SHKBP1: variants seen among roughly 807,000 people sequenced by gnomAD.
SHKBP1 encodes SH3KBP1-binding protein 1.
In SHKBP1, 71 loss-of-function variants were observed where a neutral mutation model predicts 83.9. That is an observed-to-expected ratio of 0.85 (90% CI 0.70 to 1.03). The LOEUF is 1.03. Among genes scored for constraint, SHKBP1 ranks in the 50% least tolerant of loss-of-function variants. SHKBP1 has a pLI of 0.00. For synonymous variants in SHKBP1, 371 were observed against 398.0 expected (o/e 0.93, Z 0.81); for missense variants, 824 against 982.4 (o/e 0.84, Z 2.16).
At chr19:40,585,439 A>G (rs1452415526) in intron 12 of SHKBP1, 1 of 151,744 alleles carries the variant, frequency 6.6e-6, no homozygotes, top group Non-Finnish European at 1.5e-5. Flanking sequence ...TTTTTTTTTA[A>G]AGCAGAAATA....
rs764866882 is a variant in SHKBP1 at position 40,586,944 on chromosome 19, G to A, written c.1336G>A (p.Val446Ile). 2 of 1,595,850 alleles carry A rather than the reference G, an allele frequency of 1.3e-6. No individual in the cohort carries two copies. The highest frequency in any genetic ancestry group is 2.2e-5 in the South Asian group (2 of 90,146). The change falls in exon 13 of 18, where the codon GTC becomes ATC. Residue 446 changes from valine to isoleucine, a missense_variant and splice_region_variant. Val to Ile is a conservative substitution (Grantham distance 29). This residue lies in a region of SHKBP1 where 182 missense variants were observed against 273.1 expected (regional missense o/e 0.67). Transcript: ENST00000291842. ...GCTGTCGGAGAAGCACCTCATCTCA[G>A]GTGAGCCTCTGTGGGGTGCTCCAGT... is the stretch of plus-strand genomic sequence containing the variant. ...IMLSEKHLIS[V>I]CADNNHVRTW...
In SHKBP1 at chr19:40,580,560, C is replaced by G; in HGVS notation, c.563-6C>G. The G allele has an allele frequency of 6.2e-7, 1 of 1,614,190 alleles. No homozygotes were observed. The highest frequency in any genetic ancestry group is 8.5e-7 in the Non-Finnish European group (1 of 1,180,028). ...CCCTCTTCTGATCCCTACTCTTCCCCTCAAGGACAACCTGAGGAGCCGGGG... is the reference window on the plus strand; with the variant it reads ...CCCTCTTCTGATCCCTACTCTTCCCGTCAAGGACAACCTGAGGAGCCGGGG... On this transcript the variant is annotated splice_polypyrimidine_tract_variant and splice_region_variant and intron_variant, in intron 7 of 17. Coordinates refer to ENST00000291842, the MANE Select transcript of SHKBP1 (RefSeq NM_138392.4).
At chr19:40,586,605 G>C (rs2081314054) in intron 12 of SHKBP1, 169 bp from the exon 13 acceptor site, 3 of 555,978 alleles carry the variant, frequency 5.4e-6, no homozygotes, top group Non-Finnish European at 2.8e-6. Flanking sequence ...GACCTCAAGC[G>C]ATCCACCCGC....
Position 40,591,274 on chromosome 19 carries a change from C to T in SHKBP1, c.*67C>T. The T allele has an allele frequency of 7.2e-7, 1 of 1,397,564 alleles. No homozygotes were observed. The highest frequency in any genetic ancestry group is 9.6e-7 in the Non-Finnish European group (1 of 1,036,944). 86.6% of individuals were successfully genotyped at this position (1,397,564 alleles called of 1,614,324 possible). A position where few individuals can be genotyped will look rare whatever the true frequency, so the allele number is the denominator to read the frequency against. On this transcript the variant is annotated 3_prime_UTR_variant, in exon 18 of 18. Coordinates refer to ENST00000291842, the MANE Select transcript of SHKBP1 (RefSeq NM_138392.4). ...GGGGACTCAGGTGCCTCCCTGATTC[C>T]TGTGGGAACCCCGGGTTCAGGGCCA...
chr19:40,591,334 G>C lies in SHKBP1; in HGVS notation c.*127G>C. The C allele has an allele frequency of 1.3e-6, 1 of 764,784 alleles. No homozygotes were observed. The highest frequency in any genetic ancestry group is 1.8e-5 in the African/African-American group (1 of 56,050). The allele number at this position is 764,784 out of a possible 1,614,324, so 47.4% of individuals were successfully genotyped here. A position where few individuals can be genotyped will look rare whatever the true frequency, so the allele number is the denominator to read the frequency against. The stretch of plus-strand genomic sequence containing the variant: ...TGGAATAAATGGTTATTGTTACTAG[G>C]TCCCCACCTTCCCTCTTTTCTGGAA... On this transcript the variant is annotated 3_prime_UTR_variant, in exon 18 of 18. Transcript: ENST00000291842.
chr19:40,590,886 T>G lies in SHKBP1; in HGVS notation c.1892+33T>G. 6.4e-7 allele frequency: 1 copy of G among 1,570,646 alleles called. No individual in the cohort carries two copies. Among genetic ancestry groups the G allele is most frequent in the South Asian group, 1.2e-5 (1 of 86,588 alleles). ...CAACTCCACTGCCCCTTCTGTGCAA[T>G]GAGGGGAGAGGGGACAGCATGGTGT... On this transcript the variant is annotated intron_variant, in intron 17 of 17. Coordinates refer to ENST00000291842, the MANE Select transcript of SHKBP1 (RefSeq NM_138392.4). This position sits in a 1 kb window ranked among gnomAD's most constrained non-coding sequence, Gnocchi z 4.6.
intron 1 of SHKBP1, 66 bp downstream of exon 1, chr19:40,577,051 C>A: frequency 7.5e-7 from 1 of 1,328,430 alleles, no homozygotes; most frequent in Non-Finnish European, 1.0e-6. Flanking sequence ...GTATCCGCCT[C>A]TCCTGGGGGA....
In SHKBP1 at chr19:40,586,940, C is replaced by T. The variant is rs1322900115; in HGVS notation, c.1332C>T (p.Ile444=). Residue 444 remains isoleucine (I), a synonymous_variant, in exon 13 of 18, where the codon ATC becomes ATT. Transcript: ENST00000291842. ...TKIMLSEKHL[I]SVCADNNHVR... is the part of the protein sequence containing the mutation. ...TCATGCTGTCGGAGAAGCACCTCAT[C>T]TCAGGTGAGCCTCTGTGGGGTGCTC... The T allele has an allele frequency of 4.4e-6, 7 of 1,597,714 alleles. No homozygotes were observed. The highest frequency in any genetic ancestry group is 6.0e-6 in the Non-Finnish European group (7 of 1,167,970).
chr19:40,577,472 G>C (rs549665204), intron 3 of SHKBP1, 31 bp downstream of exon 3: 21 of 1,613,514 alleles, frequency 1.3e-5, no homozygotes, highest in East Asian at 6.7e-5. Context: ...AATGGGATGG[G>C]GGGGAGGGGT....
intron 2 of SHKBP1, 42 bp from the exon 3 acceptor site, chr19:40,577,354 T>A (rs745633047): frequency 1.2e-6 from 2 of 1,613,294 alleles, no homozygotes; most frequent in Admixed American, 3.3e-5. Flanking sequence ...TAATATCCAC[T>A]CCCCCGGCCC....
intron 1 of SHKBP1, 51 bp downstream of exon 1, chr19:40,577,036 T>C: frequency 8.1e-7 from 1 of 1,234,040 alleles, no homozygotes; most frequent in East Asian, 3.1e-5. Context: ...GGAAGCGGGG[T>C]GGGAGTATCC....
chr19:40,586,396 A>G (rs2081312353), intron 12 of SHKBP1, among the ~76,000 whole-genome samples: 1 of 139,660 alleles, frequency 7.2e-6, no homozygotes, highest in African/African-American at 2.7e-5. Context: ...AGACAGAGTC[A>G]CATTCTGTCA....
At position 40,577,546 on chromosome 19, in the gene SHKBP1, C is replaced by G. The variant is rs367967700; in HGVS notation, c.187-11C>G. On this transcript the variant is annotated splice_polypyrimidine_tract_variant and intron_variant, in intron 3 of 17. Coordinates refer to ENST00000291842, the MANE Select transcript of SHKBP1 (RefSeq NM_138392.4). ...TTTACCCCATCCATCCTCTGCCCCC[C>G]TTTCCCGCAGATCTTCATCGACAGG... The G allele has an allele frequency of 1.0e-4, 165 of 1,614,106 alleles. No individual in the cohort carries two copies. Among genetic ancestry groups the G allele is most frequent in the Middle Eastern group, 3.3e-4 (2 of 6,062 alleles).
At chr19:40,579,391 A>G (rs1388062434) in intron 6 of SHKBP1, among the ~76,000 whole-genome samples, 1 of 152,226 alleles carries the variant, frequency 6.6e-6, no homozygotes, top group Non-Finnish European at 1.5e-5. Flanking sequence ...GGCCTGTAGC[A>G]GTGGCTCACA....
In SHKBP1 at chr19:40,586,597, C is replaced by G. The variant is rs531105130; in HGVS notation, c.1166-177C>G. On this transcript the variant is annotated intron_variant, in intron 12 of 17. Transcript: ENST00000291842. Reference sequence around the variant, plus strand: ...GGCCAGGCTGGTCTTGAACGCCTGACCTCAAGCGATCCACCCGCCTCAGCT... The same window carrying G: ...GGCCAGGCTGGTCTTGAACGCCTGAGCTCAAGCGATCCACCCGCCTCAGCT... 7 of 507,120 alleles carry G rather than the reference C, an allele frequency of 1.4e-5. No individual in the cohort carries two copies. The South Asian group carries it at 3.7e-4, about 27-fold the overall frequency. The allele number at this position is 507,120 out of a possible 1,614,324, so 31.4% of individuals were successfully genotyped here.
chr19:40,587,208 G>A (rs1476711498), intron 13 of SHKBP1, among the ~76,000 whole-genome samples: 1 of 152,144 alleles, frequency 6.6e-6, no homozygotes. Context: ...CCAGGCATAG[G>A]GGATACAGTG....
At chr19:40,582,705 G>C (rs2081279800) in intron 10 of SHKBP1, among the ~76,000 whole-genome samples, 2 of 152,210 alleles carry the variant, frequency 1.3e-5, no homozygotes, top group South Asian at 4.1e-4. Context: ...AAAGGAGTAG[G>C]GAGGATTGTC....
In SHKBP1 at chr19:40,580,657, G is replaced by C; in HGVS notation, c.653+1G>C. 1 of 1,614,166 alleles carries C rather than the reference G, an allele frequency of 6.2e-7. No homozygotes were observed. The highest frequency in any genetic ancestry group is 1.1e-5 in the South Asian group (1 of 91,084). ...ATACCCAGTTTCTAGTCTGCTACAGGTGCTTGGGGAGGGAGTGGCAGGAGG... is the reference window on the plus strand; with the variant it reads ...ATACCCAGTTTCTAGTCTGCTACAGCTGCTTGGGGAGGGAGTGGCAGGAGG... On this transcript the variant is annotated splice_donor_variant, in intron 8 of 17. Transcript: ENST00000291842. LOFTEE classifies it high-confidence loss of function.
At chr19:40,585,664 C>CT in intron 12 of SHKBP1, 1 of 150,960 alleles carries the variant, frequency 6.6e-6, no homozygotes, top group East Asian at 2.0e-4. Context: ...TCTCCAGACT[C>CT]AGCCTCCCAA....
Sources: gnomAD v4.1 joint callset for allele counts (sites outside exome capture counted in the v4.1 genomes callset) on GRCh38, gnomAD v4.1.1 for gene constraint, gnomAD v4.1.1 regional missense constraint, Gnocchi (gnomAD v3.1) non-coding constraint, MANE v1.5 for transcripts, NCBI Gene and HGNC (gene_info 2026-07-23, HGNC 2026-07-21) for gene names.